The following PDE1A variants were observed in gnomAD, a reference collection of about 807,000 sequenced individuals.
PDE1A encodes phosphodiesterase 1A, also known as dual specificity calcium/calmodulin-dependent 3',5'-cyclic nucleotide phosphodiesterase 1A.
Under a neutral mutation model 61.7 loss-of-function variants are expected in PDE1A, and 35 were observed. The ratio of observed to expected loss-of-function variants is 0.57; its 90% CI spans 0.43 to 0.75. The LOEUF is 0.75. Among genes scored for constraint, PDE1A ranks in the 30% least tolerant of loss-of-function variants. PDE1A has a pLI of 0.00. For missense variants in PDE1A, 597 were observed against 630.6 expected (o/e 0.95, Z 0.57); for synonymous variants, 232 against 213.2 (o/e 1.09, Z -0.77).
intron 2 of PDE1A, among the ~76,000 whole-genome samples, chr2:182,486,558 C>T (rs62187664): frequency 0.17 from 26,417 of 151,824 alleles, 2,588 homozygotes; most frequent in Middle Eastern, 0.32. Flanking sequence ...TATAAAGCTA[C>T]AGTAATCAAG....
intron 2 of PDE1A, among the ~76,000 whole-genome samples, chr2:182,454,199 T>C (rs1178223915): frequency 1.3e-5 from 2 of 152,124 alleles, no homozygotes; most frequent in East Asian, 3.9e-4. Flanking sequence ...TACCTCGGAA[T>C]CCAGCTTACA....
intron 2 of PDE1A, among the ~76,000 whole-genome samples, chr2:182,517,439 A>G (rs930901842): frequency 6.6e-6 from 1 of 152,228 alleles, no homozygotes; most frequent in African/African-American, 2.4e-5. Flanking sequence ...TACAGCCAGT[A>G]TAAGATTCAG....
At chr2:182,496,658 T>A (rs141441097) in intron 2 of PDE1A, among the ~76,000 whole-genome samples, 6 of 152,350 alleles carry the variant, frequency 3.9e-5, no homozygotes, top group African/African-American at 1.4e-4. Context: ...TGCTGCTATT[T>A]TGGCTGACAA....
rs146529027 is a variant in PDE1A, at chr2:182,481,930, T to G, written c.101+40346A>C. Among the ~76,000 whole-genome samples, 104 of 152,048 alleles carry G rather than the reference T, an allele frequency of 6.8e-4. 1 individual carries two copies. The highest frequency in any genetic ancestry group is 2.3e-3 in the African/African-American group (95 of 41,534). Reference sequence around the variant, plus strand: ...TTGGGTTTGAATCAGCTCAATCCCTTGGCAGCTGAGTGACCAATGTAATTA... The same window carrying G: ...TTGGGTTTGAATCAGCTCAATCCCTGGGCAGCTGAGTGACCAATGTAATTA... On this transcript the variant is annotated intron_variant, in intron 2 of 14. Transcript: ENST00000410103.
chr2:182,146,870 A>C (rs948319949), downstream of PDE1A, among the ~76,000 whole-genome samples: 1 of 152,218 alleles, frequency 6.6e-6, no homozygotes, highest in Non-Finnish European at 1.5e-5. Context: ...CTATTTGAAA[A>C]GGTAAATATT....
chr2:182,552,439 GTTTTTTTTTTTT>G, the PDE1A span, among the ~76,000 whole-genome samples: 2 of 122,892 alleles, frequency 1.6e-5, no homozygotes, highest in African/African-American at 5.9e-5. Context: ...GCTACACAAA[GTTTTTTTTTTTT>G]TTTTTTTTTT....
At chr2:182,307,530 A>C (rs1259024958) in intron 1 of PDE1A, among the ~76,000 whole-genome samples, 1 of 152,140 alleles carries the variant, frequency 6.6e-6, no homozygotes, top group Non-Finnish European at 1.5e-5. Flanking sequence ...ATTTCTGTTC[A>C]TTATAAATTA....
chr2:182,568,404 C>G, the PDE1A span, among the ~76,000 whole-genome samples: 1 of 152,162 alleles, frequency 6.6e-6, no homozygotes, highest in African/African-American at 2.4e-5. Context: ...AAAGACTGGG[C>G]GCGGTGGCTC....
intron 10 of PDE1A, among the ~76,000 whole-genome samples, chr2:182,200,092 A>G (rs1174801319): frequency 6.6e-6 from 1 of 152,246 alleles, no homozygotes; most frequent in Non-Finnish European, 1.5e-5. Context: ...AAAGAACAAT[A>G]CTGAGAAATG....
intron 1 of PDE1A, among the ~76,000 whole-genome samples, chr2:182,401,618 A>G (rs549100353): frequency 2.0e-5 from 3 of 152,310 alleles, no homozygotes; most frequent in Admixed American, 6.5e-5. Flanking sequence ...GCACAAGACA[A>G]GCAAGGATGC....
chr2:182,367,058 TCACCTAATG>T (rs1270999139), intron 1 of PDE1A, among the ~76,000 whole-genome samples: 1 of 152,030 alleles, frequency 6.6e-6, no homozygotes, highest in Non-Finnish European at 1.5e-5. Flanking sequence ...AATGTAGTGA[TCACCTAATG>T]CAGGCAAAAA....
At chr2:182,633,179 G>A in the PDE1A span, among the ~76,000 whole-genome samples, 121 of 152,228 alleles carry the variant, frequency 7.9e-4, 1 homozygote, top group African/African-American at 2.7e-3. Context: ...CATAAAATGG[G>A]TAAATAGCAC....
rs1264631770 is a variant in PDE1A, at chr2:182,343,561, T to C, written c.54-79147A>G. On this transcript the variant is annotated intron_variant, in intron 1 of 13. Coordinates refer to ENST00000351439, the Ensembl canonical transcript of PDE1A. ...AATTGCTCCAACCTCTAAAAATTCT[T>C]ACACTTAAAACATTTTGCAGCCTAA... Among the ~76,000 whole-genome samples, 5 of 152,298 alleles carry C rather than the reference T, an allele frequency of 3.3e-5. No homozygotes were observed. In the East Asian group the frequency reaches 7.7e-4, roughly 24 times the overall value.
the PDE1A span, among the ~76,000 whole-genome samples, chr2:182,649,019 C>T: frequency 6.6e-6 from 1 of 152,092 alleles, no homozygotes; most frequent in Non-Finnish European, 1.5e-5. Flanking sequence ...GGAAACACAG[C>T]AATGGGAATG....
At chr2:182,288,921 T>C (rs530471234) in intron 1 of PDE1A, among the ~76,000 whole-genome samples, 1 of 152,204 alleles carries the variant, frequency 6.6e-6, no homozygotes, top group South Asian at 2.1e-4. Context: ...GTTTAAGATT[T>C]TTCTTTTGAC....
intron 1 of PDE1A, among the ~76,000 whole-genome samples, chr2:182,306,684 T>C (rs1364902442): frequency 6.6e-6 from 1 of 152,164 alleles, no homozygotes; most frequent in Non-Finnish European, 1.5e-5. Flanking sequence ...CAATTGATTT[T>C]TGATGAAAGT....
chr2:182,213,227 T>TAACA (rs1687821279), intron 7 of PDE1A, among the ~76,000 whole-genome samples: 1 of 148,166 alleles, frequency 6.7e-6, no homozygotes, highest in African/African-American at 2.5e-5. Context: ...GAAGGAAGAC[T>TAACA]AACAAACAGA....
the PDE1A span, among the ~76,000 whole-genome samples, chr2:182,561,847 G>T: frequency 1.3e-5 from 2 of 151,938 alleles, no homozygotes; most frequent in Non-Finnish European, 2.9e-5. Context: ...TCATGATTTG[G>T]CTCTCTGTTT....
chr2:182,360,365 C>T (rs1304112987), intron 1 of PDE1A, among the ~76,000 whole-genome samples: 6 of 152,126 alleles, frequency 3.9e-5, no homozygotes, highest in African/African-American at 7.2e-5. Flanking sequence ...CAAGTGTCCC[C>T]GTTTAATCTA....
Sources: allele counts gnomAD v4.1 joint callset (sites outside exome capture counted in the v4.1 genomes callset), GRCh38; gene constraint gnomAD v4.1.1; transcripts MANE v1.5; gene names NCBI Gene and HGNC (gene_info 2026-07-23, HGNC 2026-07-21).